CDC42BPG: variants seen among roughly 807,000 people sequenced by gnomAD.
The protein encoded by CDC42BPG is CDC42 binding protein kinase gamma, also known as serine/threonine-protein kinase MRCK gamma.
A neutral mutation model predicts 192.2 loss-of-function variants in CDC42BPG; 157 were observed. The observed-to-expected ratio is 0.82, with a 90% CI of 0.72 to 0.93. The LOEUF is 0.93. CDC42BPG is among the 40% of genes least tolerant of loss of function. CDC42BPG has a pLI of 0.00. For synonymous variants in CDC42BPG, 981 were observed against 918.5 expected (o/e 1.07, Z -1.23); for missense variants, 1,992 against 2,122.1 (o/e 0.94, Z 1.20).
At chr11:64,834,631 G>T in intron 18 of CDC42BPG, 54 bp from the exon 19 acceptor site, 2 of 1,483,414 alleles carry the variant, frequency 1.3e-6, no homozygotes, top group Non-Finnish European at 9.0e-7. Context: ...GCTGCCTCAG[G>T]GACCCCCTGC....
At chr11:64,832,344 G>T (rs1317068188) in intron 27 of CDC42BPG, 84 bp downstream of exon 27, 2 of 1,395,672 alleles carry the variant, frequency 1.4e-6, no homozygotes, top group Non-Finnish European at 2.0e-6. Flanking sequence ...CAAGAGGGCA[G>T]TATGAAGTGG....
Position 64,827,725 on chromosome 11 carries a change from C to A in CDC42BPG, c.4026G>T (p.Val1342=). 6.2e-7 allele frequency: 1 copy of A among 1,613,436 alleles called. No homozygotes were observed. The highest frequency in any genetic ancestry group is 1.1e-5 in the South Asian group (1 of 90,936). The change falls in exon 31 of 37, where the codon GTG becomes GTT. Residue 1342 remains valine (V), a synonymous_variant. Transcript: ENST00000342711. ...FSENSIDVFD[V]RRAEWVQTVP... ...CGGTCTGCACCCATTCTGCCCTCCT[C>A]ACGTCAAACACATCGATGGAGTTCT... is the stretch of plus-strand genomic sequence containing the variant.
chr11:64,843,532 G>A (rs978633807), intron 1 of CDC42BPG, among the ~76,000 whole-genome samples: 2 of 152,156 alleles, frequency 1.3e-5, no homozygotes, highest in African/African-American at 2.4e-5. Context: ...GAGCTCAGGA[G>A]TGCCAGGAAC....
chr11:64,829,942 T>A lies in CDC42BPG; in HGVS notation c.3496A>T (p.Ile1166Leu). ...RLFALAELEN[I>L]EVAGAKIPES... ...GGGATCTTGGCACCTGCTACCTCTA[T>A]GTTCTCCAGCTCCGCCAGGGCAAAG... The change falls in exon 30 of 37, where the codon ATA becomes TTA. Residue 1166 changes from isoleucine to leucine, a missense_variant. Ile to Leu is a conservative substitution (Grantham distance 5). Coordinates refer to ENST00000342711, the MANE Select transcript of CDC42BPG (RefSeq NM_017525.3). 1 of 1,612,146 alleles carries A rather than the reference T, an allele frequency of 6.2e-7. No individual in the cohort carries two copies. The highest frequency in any genetic ancestry group is 8.5e-7 in the Non-Finnish European group (1 of 1,179,612).
intron 18 of CDC42BPG, 60 bp downstream of exon 18, chr11:64,834,789 A>C: frequency 6.7e-7 from 1 of 1,503,446 alleles, no homozygotes; most frequent in Non-Finnish European, 9.1e-7. Flanking sequence ...AGGGATGCTG[A>C]GCTCACGGAA....
intron 5 of CDC42BPG, 79 bp downstream of exon 5, chr11:64,840,041 C>G: frequency 1.4e-6 from 2 of 1,385,138 alleles, no homozygotes; most frequent in Non-Finnish European, 2.0e-6. Flanking sequence ...GCTCAGCTGA[C>G]ATCAGCTGTC....
At chr11:64,840,372 C>T in intron 4 of CDC42BPG, 104 bp from the exon 5 acceptor site, 1 of 1,499,222 alleles carries the variant, frequency 6.7e-7, no homozygotes, top group East Asian at 2.4e-5. Flanking sequence ...CTCCCAGCAG[C>T]TCTGGGCTGG....
intron 24 of CDC42BPG, 37 bp from the exon 25 acceptor site, chr11:64,832,996 T>C (rs1318616745): frequency 2.7e-6 from 4 of 1,499,750 alleles, no homozygotes; most frequent in Non-Finnish European, 3.6e-6. Context: ...GAGGTGAGGC[T>C]GGGAGGGGAC....
In CDC42BPG at chr11:64,836,705, C is replaced by CCGGAG; in HGVS notation, c.1384+33_1384+34insCTCCG. ...ACCCGAGCCCAGGTGGGACTCAGCC[C>CCGGAG]TGGGGGGGGGGGGGGGGTGGGCGGA... On this transcript the variant is annotated intron_variant, in intron 11 of 36. Transcript: ENST00000342711. The CCGGAG allele has an allele frequency of 1.1e-5, 4 of 352,546 alleles. No homozygotes were observed. In the South Asian group the frequency reaches 1.3e-4, roughly 12 times the overall value. The allele number at this position is 352,546 out of a possible 1,614,324, so 21.8% of individuals were successfully genotyped here. A position where few individuals can be genotyped will look rare whatever the true frequency, so the allele number is the denominator to read the frequency against.
At position 64,823,089 on chromosome 11, in the gene CDC42BPG, CTT is replaced by C. The variant is rs67018116; in HGVS notation, c.*1382_*1383del. ...GTCTTTATTGGTTTCCTTTTCTTTTCTTTTTTTTTTTTTTTGAGACGGAGTCT... is the reference window on the plus strand; with the variant it reads ...GTCTTTATTGGTTTCCTTTTCTTTTCTTTTTTTTTTTTTGAGACGGAGTCT... On this transcript the variant is annotated 3_prime_UTR_variant, in exon 37 of 37. Transcript: ENST00000342711. 6.5e-5 allele frequency among the ~76,000 whole-genome samples: 9 copies of C among 137,684 alleles called. No individual in the cohort carries two copies. Among genetic ancestry groups the C allele is most frequent in the Admixed American group, 7.3e-5 (1 of 13,698 alleles). 90.3% of individuals were successfully genotyped at this position (137,684 alleles called of 152,430 possible). A position where few individuals can be genotyped will look rare whatever the true frequency, so the allele number is the denominator to read the frequency against.
chr11:64,827,695 C>G lies in CDC42BPG; in HGVS notation c.4056G>C (p.Pro1352=), dbSNP rs537285307. 6.2e-7 allele frequency: 1 copy of G among 1,610,864 alleles called. No individual in the cohort carries two copies. Among genetic ancestry groups the G allele is most frequent in the African/African-American group, 1.3e-5 (1 of 74,994 alleles). The change falls in exon 31 of 37, where the codon CCG becomes CCC. Residue 1352 remains proline, a synonymous_variant. Coordinates refer to ENST00000342711, the MANE Select transcript of CDC42BPG (RefSeq NM_017525.3). Reference sequence around the variant, plus strand: ...TCTGGCGGACCCTCACCTTCTTGAGCGGCACGGTCTGCACCCATTCTGCCC... The same window carrying G: ...TCTGGCGGACCCTCACCTTCTTGAGGGGCACGGTCTGCACCCATTCTGCCC... ...VRRAEWVQTV[P]LKKVRPLNPE...
intron 13 of CDC42BPG, 86 bp from the exon 14 acceptor site, chr11:64,835,937 G>A (rs1219851019): frequency 5.1e-6 from 7 of 1,375,094 alleles, no homozygotes; most frequent in Non-Finnish European, 7.0e-6. Context: ...AGACCTGCCA[G>A]CCACAGTGGA....
At chr11:64,832,277 G>A (rs781072491) in intron 27 of CDC42BPG, 151 bp downstream of exon 27, 3 of 823,496 alleles carry the variant, frequency 3.6e-6, no homozygotes, top group Non-Finnish European at 6.1e-6. Flanking sequence ...GATCCTAAAC[G>A]AGGTGAGACC....
chr11:64,825,131 G>T (rs1942370023), intron 36 of CDC42BPG, among the ~76,000 whole-genome samples: 1 of 152,096 alleles, frequency 6.6e-6, no homozygotes, highest in African/African-American at 2.4e-5. Flanking sequence ...TGGCCAGGCT[G>T]GTCTTGAACT....
In CDC42BPG at chr11:64,837,028, G is replaced by C; in HGVS notation, c.1206-9C>G. 1.9e-6 allele frequency: 3 copies of C among 1,607,552 alleles called. No homozygotes were observed. The highest frequency in any genetic ancestry group is 2.6e-6 in the Non-Finnish European group (3 of 1,174,544). ...TGCTCTCAGGACTGTGACTGTAGGGGGACAGGGGCCATGTTTGTTGGTAGA... is the reference window on the plus strand; with the variant it reads ...TGCTCTCAGGACTGTGACTGTAGGGCGACAGGGGCCATGTTTGTTGGTAGA... On this transcript the variant is annotated splice_polypyrimidine_tract_variant and intron_variant, in intron 9 of 36. Transcript: ENST00000342711.
rs1942610346 is a variant in CDC42BPG at position 64,830,006 on chromosome 11, C to T, written c.3432G>A (p.Leu1144=). The T allele has an allele frequency of 4.3e-6, 7 of 1,612,410 alleles. 1 individual carries two copies. The East Asian group carries it at 1.6e-4, about 36-fold the overall frequency. The change falls in exon 30 of 37, where the codon CTG becomes CTA. Residue 1144 remains leucine (L), a synonymous_variant. Coordinates refer to ENST00000342711, the MANE Select transcript of CDC42BPG (RefSeq NM_017525.3). ...QQLTLSPSAG[L]LVVLCGRGPS... is the part of the protein sequence containing the mutation. The stretch of plus-strand genomic sequence containing the variant: ...GGCCGCGGCCACACAGCACGACCAG[C>T]AGGCCTGCACTGGGGCTCAAGGTCA...
chr11:64,824,926 C>T (rs1167424575), intron 36 of CDC42BPG, among the ~76,000 whole-genome samples: 1 of 147,096 alleles, frequency 6.8e-6, no homozygotes, highest in Non-Finnish European at 1.5e-5. Flanking sequence ...TTTTGTTTTT[C>T]GTTTTTTTTT....
rs148389267 is a variant in CDC42BPG at position 64,827,090 on chromosome 11, C to G, written c.4349G>C (p.Gly1450Ala). The G allele has an allele frequency of 5.0e-6, 8 of 1,613,670 alleles. No homozygotes were observed. Among genetic ancestry groups the G allele is most frequent in the Non-Finnish European group, 5.9e-6 (7 of 1,179,722 alleles). ...PTNFNHLVHV[G>A]PANGRPGARD... is the part of the protein sequence containing the mutation. ...GGCGCCGGGCCGCCCGTTGGCAGGG[C>G]CCACGTGTACTAGGTGGTTGAAGTT... The change falls in exon 34 of 37, where the codon GGC (glycine) becomes GCC (alanine). Residue 1450 changes from glycine (G) to alanine (A), a missense_variant. By Grantham distance (60) the Gly-to-Ala change is moderately conservative. This residue lies in a region of CDC42BPG where 336 missense variants were observed against 277.9 expected (regional missense o/e 1.21). Coordinates refer to ENST00000342711, the MANE Select transcript of CDC42BPG (RefSeq NM_017525.3).
chr11:64,844,434 T>G lies in CDC42BPG; in HGVS notation c.136A>C (p.Ser46Arg). 1 of 1,454,156 alleles carries G rather than the reference T, an allele frequency of 6.9e-7. No homozygotes were observed. 90.1% of individuals were successfully genotyped at this position (1,454,156 alleles called of 1,614,324 possible). ...CCCCAGCTCAGGAACTGCGCCACGC[T>G]GCGCTCCCGCCGTAGGGGGCCGCTG... ...LSSGPLRRER[S>R]VAQFLSWASP... Residue 46 changes from serine (S) to arginine (R), a missense_variant, in exon 1 of 37, where the codon AGC becomes CGC. Ser to Arg is a moderately radical substitution (Grantham distance 110). Coordinates refer to ENST00000342711, the MANE Select transcript of CDC42BPG (RefSeq NM_017525.3).
Sources: gnomAD v4.1 joint callset for allele counts (sites outside exome capture counted in the v4.1 genomes callset) on GRCh38, gnomAD v4.1.1 for gene constraint, gnomAD v4.1.1 regional missense constraint, MANE v1.5 for transcripts, NCBI Gene and HGNC (gene_info 2026-07-23, HGNC 2026-07-21) for gene names.